Variants in C3orf33 observed in about 807,000 individuals in gnomAD.
C3orf33 encodes mitochondrial inner membrane subdomain organizer 1.
A neutral mutation model predicts 28.7 loss-of-function variants in C3orf33; 23 were observed. The observed-to-expected ratio is 0.80, with a 90% CI of 0.58 to 1.13. The LOEUF is 1.13. C3orf33 is among the 50% of genes most tolerant of loss of function. The probability of loss-of-function intolerance (pLI) is 0.00; values close to 1 mark genes in which losing one functional copy is unlikely to be tolerated. For missense variants in C3orf33, 327 were observed against 353.4 expected, an observed-to-expected ratio of 0.93 and a Z score of 0.60; for synonymous variants, 119 against 120.5, an observed-to-expected ratio of 0.99 and a Z score of 0.08.
At chr3:155,788,260 T>TA (rs35686095) in intron 2 of C3orf33, among the ~76,000 whole-genome samples, 50,631 of 150,832 alleles carry the variant, frequency 0.34, 9,807 homozygotes, top group Non-Finnish European at 0.42. Context: ...TAGAATAAAT[T>TA]AAAAAAACAC....
Position 155,806,224 on chromosome 3 carries a change from G to A in C3orf33, c.29C>T (p.Ser10Leu), listed in dbSNP as rs982449322. The stretch of plus-strand genomic sequence containing the variant: ...CATTCCGTCCTTGTCGGCAGACGGC[G>A]AGCCGGTGGCCGCGGGCTGCCCCGC... Reference protein sequence around the residue: MAGQPAATGSPSADKDGMEP... With the variant: MAGQPAATGLPSADKDGMEP... The change falls in exon 1 of 5, where the codon TCG (serine) becomes TTG (leucine). Residue 10 changes from serine to leucine, a missense_variant. Coordinates refer to ENST00000340171, the MANE Select transcript of C3orf33 (RefSeq NM_001308229.2). 20 of 1,483,232 alleles carry A rather than the reference G, an allele frequency of 1.3e-5. No individual in the cohort carries two copies. The highest frequency in any genetic ancestry group is 1.0e-4 in the African/African-American group (7 of 69,622). The allele number at this position is 1,483,232 out of a possible 1,614,324, so 91.9% of individuals were successfully genotyped here.
chr3:155,804,040 G>C (rs1379005422), intron 1 of C3orf33: 1 of 238,632 alleles, frequency 4.2e-6, no homozygotes, highest in Non-Finnish European at 8.4e-6. Flanking sequence ...GCCAGGCTTG[G>C]TGGCAGGCAC....
chr3:155,786,393 G>T (rs1380246130), intron 2 of C3orf33, among the ~76,000 whole-genome samples: 1 of 151,914 alleles, frequency 6.6e-6, no homozygotes, highest in East Asian at 1.9e-4. Context: ...AGAGAGAAAG[G>T]ACTAAAATTC....
chr3:155,785,443 A>C (rs983996135), intron 2 of C3orf33, among the ~76,000 whole-genome samples: 1 of 152,228 alleles, frequency 6.6e-6, no homozygotes, highest in Non-Finnish European at 1.5e-5. Context: ...TCCAAGATAG[A>C]CCATTTGTTA....
At chr3:155,769,317 A>G in intron 3 of C3orf33, among the ~76,000 whole-genome samples, 1 of 145,460 alleles carries the variant, frequency 6.9e-6, no homozygotes, top group South Asian at 2.2e-4. Context: ...CCTCTCAAAA[A>G]AAAAAAAAAA....
chr3:155,776,945 G>A (rs1235608289), intron 2 of C3orf33, among the ~76,000 whole-genome samples: 1 of 151,816 alleles, frequency 6.6e-6, no homozygotes, highest in Non-Finnish European at 1.5e-5. Context: ...AGGGTGGCAA[G>A]ATACTATAAA....
chr3:155,793,021 A>C (rs1005076072), intron 2 of C3orf33, among the ~76,000 whole-genome samples: 1 of 152,112 alleles, frequency 6.6e-6, no homozygotes, highest in Non-Finnish European at 1.5e-5. Context: ...CGATCACTAC[A>C]ACACAGTTAA....
intron 2 of C3orf33, among the ~76,000 whole-genome samples, chr3:155,789,928 C>A (rs985991304): frequency 6.6e-6 from 1 of 151,886 alleles, no homozygotes; most frequent in African/African-American, 2.4e-5. Context: ...TTTGGGAGGC[C>A]AAGGTGGGTG....
intron 4 of C3orf33, among the ~76,000 whole-genome samples, chr3:155,764,579 G>A (rs534679349): frequency 1.1e-4 from 16 of 151,658 alleles, no homozygotes; most frequent in South Asian, 2.1e-4. Flanking sequence ...CTGGCGGGGC[G>A]CGGTGGCTCA....
rs369206073 is a variant in C3orf33 at position 155,781,535 on chromosome 3, C to G, written c.175-5687G>C. On this transcript the variant is annotated intron_variant, in intron 2 of 4. Coordinates refer to ENST00000340171, the MANE Select transcript of C3orf33 (RefSeq NM_001308229.2). ...CTGTAATCCCAGCACTTTGGGAGGC[C>G]AAGGCAGGCAGATCACAAGATCAGG... 1.1e-4 allele frequency among the ~76,000 whole-genome samples: 16 copies of G among 149,866 alleles called. No individual in the cohort carries two copies. The East Asian group carries it at 2.8e-3, about 26-fold the overall frequency.
Position 155,775,741 on chromosome 3 carries a change from T to A in C3orf33, c.282A>T (p.Glu94Asp). The change falls in exon 3 of 5, where the codon GAA becomes GAT. Residue 94 changes from glutamate (E) to aspartate (D), a missense_variant. Coordinates refer to ENST00000340171, the MANE Select transcript of C3orf33 (RefSeq NM_001308229.2). ...RRITENGLEIEHIPITLPIIA... is the reference protein window; with the variant it reads ...RRITENGLEIDHIPITLPIIA... ...TAATAGGTAAAGTAATAGGTATATGTTCAATTTCTAAACCATTCTCAGTTA... is the reference window on the plus strand; with the variant it reads ...TAATAGGTAAAGTAATAGGTATATGATCAATTTCTAAACCATTCTCAGTTA... 6.3e-7 allele frequency: 1 copy of A among 1,586,904 alleles called. No homozygotes were observed. Among genetic ancestry groups the A allele is most frequent in the Non-Finnish European group, 8.6e-7 (1 of 1,157,340 alleles).
intron 1 of C3orf33, among the ~76,000 whole-genome samples, chr3:155,803,564 C>CAAA (rs63676264): frequency 1.1e-3 from 59 of 53,516 alleles, no homozygotes; most frequent in Admixed American, 2.6e-3. Flanking sequence ...GACTCAGTCT[C>CAAA]AAAAAAAAAA....
chr3:155,790,547 G>A (rs143355473), intron 2 of C3orf33, among the ~76,000 whole-genome samples: 6 of 152,258 alleles, frequency 3.9e-5, no homozygotes, highest in Non-Finnish European at 8.8e-5. Context: ...GTGAGCAATC[G>A]TTTCTTAACA....
chr3:155,770,139 CT>C (rs1750536580), intron 3 of C3orf33, among the ~76,000 whole-genome samples: 1 of 152,208 alleles, frequency 6.6e-6, no homozygotes, highest in African/African-American at 2.4e-5. Context: ...CTCAGGTTCC[CT>C]CTCTGCTGAG....
At chr3:155,785,068 G>A (rs1751057611) in intron 2 of C3orf33, among the ~76,000 whole-genome samples, 3 of 151,414 alleles carry the variant, frequency 2.0e-5, no homozygotes, top group Admixed American at 2.0e-4. Flanking sequence ...ACAAGAGCAG[G>A]GGTACCTAAA....
At chr3:155,769,485 C>CAAAAAA (rs59639224) in intron 3 of C3orf33, among the ~76,000 whole-genome samples, 2 of 84,312 alleles carry the variant, frequency 2.4e-5, no homozygotes, top group Non-Finnish European at 5.6e-5. Context: ...GAGACTGTTT[C>CAAAAAA]AAAAAAAAAA....
chr3:155,799,913 C>A (rs1416704343), intron 2 of C3orf33, among the ~76,000 whole-genome samples: 2 of 151,648 alleles, frequency 1.3e-5, no homozygotes, highest in African/African-American at 2.4e-5. Flanking sequence ...TTGCCAGAAC[C>A]TGGGAAGGGT....
intron 3 of C3orf33, among the ~76,000 whole-genome samples, chr3:155,772,772 C>CTGTGTGTGTGTGTGTGTGTG (rs60966459): frequency 7.7e-4 from 109 of 142,222 alleles, no homozygotes; most frequent in Admixed American, 1.4e-3. Context: ...TTTTTAGGCT[C>CTGTGTGTGTGTGTGTGTGTG]TGTGTGTGTG....
intron 2 of C3orf33, among the ~76,000 whole-genome samples, chr3:155,782,166 TAAA>T (rs58890324): frequency 1.0e-5 from 1 of 96,238 alleles, no homozygotes; most frequent in Non-Finnish European, 2.2e-5. Context: ...AGACTCCGTC[TAAA>T]AAAAAAAAAA....
Sources: allele counts gnomAD v4.1 joint callset (sites outside exome capture counted in the v4.1 genomes callset), GRCh38; gene constraint gnomAD v4.1.1; transcripts MANE v1.5; gene names NCBI Gene and HGNC (gene_info 2026-07-23, HGNC 2026-07-21).